The following USP6NL variants were observed in gnomAD, a reference collection of about 807,000 sequenced individuals.
USP6NL encodes the protein USP6 N-terminal-like protein.
In USP6NL, 26 loss-of-function variants were observed where a neutral mutation model predicts 61.9. That is an observed-to-expected ratio of 0.42 (90% CI 0.31 to 0.58). The LOEUF is 0.58. Ranked by LOEUF, USP6NL falls within the 20% of genes least tolerant of loss-of-function variation. The pLI is 0.16. For missense variants in USP6NL, 1,114 were observed against 1,034.3 expected (o/e 1.08, Z -1.06); for synonymous variants, 432 against 390.1 (o/e 1.11, Z -1.27).
In USP6NL at chr10:11,491,633, G is replaced by C. The variant is rs1401484275; in HGVS notation, c.495-753C>G. On this transcript the variant is annotated intron_variant, in intron 8 of 14. Transcript: ENST00000609104. The surrounding 1 kb of genome is among the most constrained non-coding windows in gnomAD (Gnocchi z 4.7). Reference sequence around the variant, plus strand: ...TTATCCTGATTACTAAGGGGAACATGGGTTGCTATGACACAACAGACACAA... The same window carrying C: ...TTATCCTGATTACTAAGGGGAACATCGGTTGCTATGACACAACAGACACAA... Among the ~76,000 whole-genome samples, 1 of 152,166 alleles carries C rather than the reference G, an allele frequency of 6.6e-6. No homozygotes were observed. The highest frequency in any genetic ancestry group is 1.5e-5 in the Non-Finnish European group (1 of 68,032).
rs1275546609 is a variant in USP6NL, at chr10:11,518,429, C to A, written c.195+106G>T. On this transcript the variant is annotated intron_variant, in intron 5 of 14. Coordinates refer to ENST00000609104, the MANE Select transcript of USP6NL (RefSeq NM_014688.5). This position sits in a 1 kb window ranked among gnomAD's most constrained non-coding sequence, Gnocchi z 5.3. ...GGTCCAAAATCTAACAATGACTGTA[C>A]CATTCCCATATAATATGGCACTTAA... The A allele has an allele frequency of 2.1e-6, 2 of 945,682 alleles. No homozygotes were observed. The highest frequency in any genetic ancestry group is 4.8e-5 in the East Asian group (2 of 41,590). 58.6% of individuals were successfully genotyped at this position (945,682 alleles called of 1,614,324 possible).
intron 1 of USP6NL, among the ~76,000 whole-genome samples, chr10:11,609,545 C>A (rs913535489): frequency 6.6e-6 from 1 of 152,192 alleles, no homozygotes; most frequent in Admixed American, 6.5e-5. Flanking sequence ...AGTGGCAATT[C>A]CCAAAGCTAT....
In USP6NL at chr10:11,495,495, G is replaced by C. The variant is rs1833883236; in HGVS notation, c.385-2267C>G. ...TATTATTACAGTCTGGGAACTCCTA[G>C]GCTATCATCTAATTTTCTTGTATTT... On this transcript the variant is annotated intron_variant, in intron 7 of 14. Coordinates refer to ENST00000609104, the MANE Select transcript of USP6NL (RefSeq NM_014688.5). This position sits in a 1 kb window ranked among gnomAD's most constrained non-coding sequence, Gnocchi z 4.6. Among the ~76,000 whole-genome samples the C allele has an allele frequency of 6.6e-6, 1 of 151,920 alleles. No individual in the cohort carries two copies. The highest frequency in any genetic ancestry group is 1.5e-5 in the Non-Finnish European group (1 of 67,998).
Position 11,489,170 on chromosome 10 carries a change from T to C in USP6NL, c.596A>G (p.Tyr199Cys), listed in dbSNP as rs753681454. Reference sequence around the variant, plus strand: ...CCAGAAGGCATCTTCCTCGTTCATATACATGAGGAGTAAAGCTGTGATCTG... The same window carrying C: ...CCAGAAGGCATCTTCCTCGTTCATACACATGAGGAGTAAAGCTGTGATCTG... ...MSQITALLLM[Y>C]MNEEDAFWAL... is the part of the protein sequence containing the mutation. Residue 199 changes from tyrosine (Y) to cysteine (C), a missense_variant, in exon 10 of 15, where the codon TAT becomes TGT. By Grantham distance (194) the Tyr-to-Cys change is radical. Transcript: ENST00000609104. This position sits in a 1 kb window ranked among gnomAD's most constrained non-coding sequence, Gnocchi z 5.7. The C allele has an allele frequency of 5.0e-6, 8 of 1,613,880 alleles. No homozygotes were observed. Among genetic ancestry groups the C allele is most frequent in the Admixed American group, 3.3e-5 (2 of 60,010 alleles).
rs541586619 is a variant in USP6NL at position 11,462,733 on chromosome 10, T to C, written c.2195A>G (p.Asp732Gly). Reference protein sequence around the residue: ...LIIPPVDYLPDNRTWSEVSYT... With the variant: ...LIIPPVDYLPGNRTWSEVSYT... The stretch of plus-strand genomic sequence containing the variant: ...ACTAACTTCTGACCATGTTCTGTTA[T>C]CTGGCAAGTAATCCACTGGTGGAAT... Residue 732 changes from aspartate (D) to glycine (G), a missense_variant, in exon 15 of 15, where the codon GAT becomes GGT. Transcript: ENST00000609104. 3 of 1,614,054 alleles carry C rather than the reference T, an allele frequency of 1.9e-6. No homozygotes were observed. Among genetic ancestry groups the C allele is most frequent in the African/African-American group, 2.7e-5 (2 of 75,064 alleles).
In USP6NL at chr10:11,553,185, C is replaced by T. The variant is rs1191373903; in HGVS notation, c.5-25618G>A. Among the ~76,000 whole-genome samples the T allele has an allele frequency of 6.6e-6, 1 of 152,090 alleles. No homozygotes were observed. The highest frequency in any genetic ancestry group is 2.4e-5 in the African/African-American group (1 of 41,428). On this transcript the variant is annotated intron_variant, in intron 2 of 14. Transcript: ENST00000609104. This position sits in a 1 kb window ranked among gnomAD's most constrained non-coding sequence, Gnocchi z 4.8. Reference sequence around the variant, plus strand: ...CATTTGCTCCACTATCACATTAATCCACAACCATATTTTGGCTACTGAATT... The same window carrying T: ...CATTTGCTCCACTATCACATTAATCTACAACCATATTTTGGCTACTGAATT...
chr10:11,538,160 A>C (rs1835908480), intron 2 of USP6NL, among the ~76,000 whole-genome samples: 1 of 152,186 alleles, frequency 6.6e-6, no homozygotes, highest in South Asian at 2.1e-4. Flanking sequence ...TTGCTTCCTA[A>C]TTTCTAGAAA....
intron 2 of USP6NL, among the ~76,000 whole-genome samples, chr10:11,556,673 G>A (rs2133514118): frequency 6.6e-6 from 1 of 152,184 alleles, no homozygotes; most frequent in South Asian, 2.1e-4. Context: ...CATTACAGGA[G>A]ATACAAAGTA....
In USP6NL at chr10:11,463,274, C is replaced by T. The variant is rs1249792487; in HGVS notation, c.1654G>A (p.Asp552Asn). The T allele has an allele frequency of 2.5e-6, 4 of 1,613,700 alleles. No homozygotes were observed. The highest frequency in any genetic ancestry group is 1.3e-5 in the African/African-American group (1 of 74,950). Residue 552 changes from aspartate (D) to asparagine (N), a missense_variant, in exon 15 of 15, where the codon GAC (aspartate) becomes AAC (asparagine). By Grantham distance (23) the Asp-to-Asn change is conservative. Transcript: ENST00000609104. This position sits in a 1 kb window ranked among gnomAD's most constrained non-coding sequence, Gnocchi z 6.3. ...TCCAGCTCCGGGCCTGGCACGTTGT[C>T]GTACTGCGATGCAGTGGAGCCCCGC... The part of the protein sequence containing the change: ...GKRGSTASQY[D>N]NVPGPELDSG...
intron 2 of USP6NL, among the ~76,000 whole-genome samples, chr10:11,538,466 T>C (rs1835924874): frequency 6.6e-6 from 1 of 152,202 alleles, no homozygotes; most frequent in Non-Finnish European, 1.5e-5. Context: ...TCCATCCTGG[T>C]GTCTCTGGTA....
At position 11,463,275 on chromosome 10, in the gene USP6NL, G is replaced by A. The variant is rs768540914; in HGVS notation, c.1653C>T (p.Tyr551=). 6.2e-6 allele frequency: 10 copies of A among 1,613,636 alleles called. No homozygotes were observed. The highest frequency in any genetic ancestry group is 2.2e-5 in the East Asian group (1 of 44,884). Residue 551 remains tyrosine (Y), a synonymous_variant, in exon 15 of 15, where the codon TAC becomes TAT. Transcript: ENST00000609104. This position sits in a 1 kb window ranked among gnomAD's most constrained non-coding sequence, Gnocchi z 6.3. The stretch of plus-strand genomic sequence containing the variant: ...CCAGCTCCGGGCCTGGCACGTTGTC[G>A]TACTGCGATGCAGTGGAGCCCCGCT... ...DGKRGSTASQ[Y]DNVPGPELDS...
Position 11,493,160 on chromosome 10 carries a change from T to C in USP6NL, c.453A>G (p.Thr151=), listed in dbSNP as rs367965067. 1,480 of 1,612,444 alleles carry C rather than the reference T, an allele frequency of 9.2e-4. No homozygotes were observed. Among genetic ancestry groups the C allele is most frequent in the Non-Finnish European group, 1.2e-3 (1,408 of 1,179,278 alleles). Residue 151 remains threonine (T), a synonymous_variant, in exon 8 of 15, where the codon ACA becomes ACG. Transcript: ENST00000609104. ...CTCTAAACATAATGTGGTCCCGAAA[T>C]GTGCGGTTGACATCCAGGTCTATTT... is the stretch of plus-strand genomic sequence containing the variant. ...IRQIDLDVNR[T]FRDHIMFRDR...
rs1836989297 is a variant in USP6NL at position 11,562,690 on chromosome 10, A to G, written c.4+34941T>C. The G allele has an allele frequency of 2.0e-6, 2 of 985,458 alleles. No homozygotes were observed. Among genetic ancestry groups the G allele is most frequent in the South Asian group, 4.7e-5 (1 of 21,282 alleles). The allele number at this position is 985,458 out of a possible 1,614,324, so 61.0% of individuals were successfully genotyped here. On this transcript the variant is annotated intron_variant, in intron 2 of 14. Coordinates refer to ENST00000609104, the MANE Select transcript of USP6NL (RefSeq NM_014688.5). This position sits in a 1 kb window ranked among gnomAD's most constrained non-coding sequence, Gnocchi z 4.8. ...TGTTGTTAGCCACTTGTATTTCTGT[A>G]ACTTGTCTATTTTATCTGCCAAATT...
Position 11,462,844 on chromosome 10 carries a change from G to C in USP6NL, c.2084C>G (p.Ser695Cys), listed in dbSNP as rs375103370. Reference protein sequence around the residue: ...YSRPSPLVLPSSRIEVLPVDT... With the variant: ...YSRPSPLVLPCSRIEVLPVDT... ...AACAGGGAGGACTTCTATTCGACTA[G>C]ACGGCAGTACAAGGGGGCTTGGGCG... is the stretch of plus-strand genomic sequence containing the variant. Residue 695 changes from serine (S) to cysteine (C), a missense_variant, in exon 15 of 15, where the codon TCT (serine) becomes TGT (cysteine). By Grantham distance (112) the Ser-to-Cys change is moderately radical (BLOSUM62 -1). Transcript: ENST00000609104. 23 of 1,613,850 alleles carry C rather than the reference G, an allele frequency of 1.4e-5. No homozygotes were observed. The highest frequency in any genetic ancestry group is 4.5e-5 in the East Asian group (2 of 44,896).
At chr10:11,475,926 G>A (rs1160404226) in intron 14 of USP6NL, among the ~76,000 whole-genome samples, 3 of 152,136 alleles carry the variant, frequency 2.0e-5, no homozygotes, top group African/African-American at 7.2e-5. Flanking sequence ...TTATTAAACT[G>A]CTACATCTAG....
chr10:11,469,925 A>G (rs1372562180), intron 14 of USP6NL, among the ~76,000 whole-genome samples: 1 of 151,584 alleles, frequency 6.6e-6, no homozygotes, highest in East Asian at 2.0e-4. Flanking sequence ...GCTGATGCTA[A>G]CGCTGCGATT....
Position 11,561,762 on chromosome 10 carries a change from G to C in USP6NL, c.5-34195C>G, listed in dbSNP as rs1193916033. On this transcript the variant is annotated intron_variant, in intron 2 of 14. Coordinates refer to ENST00000609104, the MANE Select transcript of USP6NL (RefSeq NM_014688.5). The surrounding 1 kb of genome is among the most constrained non-coding windows in gnomAD (Gnocchi z 4.1). Reference sequence around the variant, plus strand: ...CTTGCAGACTAGAATTAGTAGGCCAGATGAAACACAACTTTTAATTTTGAT... The same window carrying C: ...CTTGCAGACTAGAATTAGTAGGCCACATGAAACACAACTTTTAATTTTGAT... 6.6e-6 allele frequency among the ~76,000 whole-genome samples: 1 copy of C among 152,190 alleles called. No homozygotes were observed. Among genetic ancestry groups the C allele is most frequent in the Admixed American group, 6.5e-5 (1 of 15,276 alleles).
At chr10:11,519,784 T>C (rs527268017) in intron 4 of USP6NL, among the ~76,000 whole-genome samples, 2 of 152,256 alleles carry the variant, frequency 1.3e-5, no homozygotes, top group Non-Finnish European at 2.9e-5. Context: ...GAGATTCTTG[T>C]ATTAACTGTC....
chr10:11,545,675 A>C (rs1836246668), intron 2 of USP6NL, among the ~76,000 whole-genome samples: 1 of 151,554 alleles, frequency 6.6e-6, no homozygotes, highest in African/African-American at 2.4e-5. Flanking sequence ...AACCTGCCTC[A>C]GTAGGCCATA....
Sources: allele counts gnomAD v4.1 joint callset (sites outside exome capture counted in the v4.1 genomes callset), GRCh38; gene constraint gnomAD v4.1.1; non-coding constraint Gnocchi (gnomAD v3.1); transcripts MANE v1.5; gene names NCBI Gene and HGNC (gene_info 2026-07-23, HGNC 2026-07-21).